The following PPARGC1B variants were observed in gnomAD, a reference collection of about 807,000 sequenced individuals.
PPARGC1B encodes the protein PPARG coactivator 1 beta.
PPARGC1B carries 34 observed loss-of-function variants against 101.6 expected under a neutral mutation model. The ratio of observed to expected loss-of-function variants is 0.33; its 90% confidence interval spans 0.25 to 0.45. PPARGC1B has a LOEUF of 0.45. Ranked by LOEUF, PPARGC1B falls within the 20% of genes least tolerant of loss-of-function variation. The pLI is 1.00. For synonymous variants in PPARGC1B, 548 were observed against 539.3 expected (o/e 1.02, Z -0.22); for missense variants, 1,234 against 1,317.6 (o/e 0.94, Z 0.98).
intron 10 of PPARGC1B, among the ~76,000 whole-genome samples, chr5:149,845,282 G>A (rs1193001180): frequency 6.6e-6 from 1 of 152,202 alleles, no homozygotes. Flanking sequence ...CTTTGAAGGA[G>A]GCAGAAAGTG....
At chr5:149,765,114 GA>G (rs1454975944) in intron 1 of PPARGC1B, among the ~76,000 whole-genome samples, 1 of 152,200 alleles carries the variant, frequency 6.6e-6, no homozygotes, top group African/African-American at 2.4e-5. Context: ...TGCAGAGAAA[GA>G]GGGAGGGACC....
chr5:149,844,774 A>G (rs1220132067), intron 10 of PPARGC1B, among the ~76,000 whole-genome samples: 2 of 152,254 alleles, frequency 1.3e-5, no homozygotes, highest in Admixed American at 6.5e-5. Flanking sequence ...TAGTTGGTGA[A>G]TGCCACTTTG....
At chr5:149,748,136 G>C (rs1755154020) in intron 1 of PPARGC1B, among the ~76,000 whole-genome samples, 1 of 152,108 alleles carries the variant, frequency 6.6e-6, no homozygotes, top group Admixed American at 6.5e-5. Flanking sequence ...CACAGCCCAG[G>C]GTCTGAGGGC....
intron 1 of PPARGC1B, among the ~76,000 whole-genome samples, chr5:149,799,690 GTTGTTT>G (rs1457556988): frequency 3.1e-5 from 2 of 65,052 alleles, no homozygotes; most frequent in African/African-American, 1.1e-4. Flanking sequence ...TTTGCTTGTT[GTTGTTT>G]TTTTTTTTTT....
rs1326406013 is a variant in PPARGC1B at position 149,730,704 on chromosome 5, A to G, written c.78+284A>G. ...CACCCCGCGGGCAAAACTGGGGGGT[A>G]CCGCGCTTCCTTTGGGAGGTGGAGG... On this transcript the variant is annotated intron_variant, in intron 1 of 11. Coordinates refer to ENST00000309241, the MANE Select transcript of PPARGC1B (RefSeq NM_133263.4). This position sits in a 1 kb window ranked among gnomAD's most constrained non-coding sequence, Gnocchi z 4.0. Among the ~76,000 whole-genome samples the G allele has an allele frequency of 6.6e-6, 1 of 152,100 alleles. No homozygotes were observed. Among genetic ancestry groups the G allele is most frequent in the Admixed American group, 6.5e-5 (1 of 15,290 alleles).
intron 1 of PPARGC1B, among the ~76,000 whole-genome samples, chr5:149,807,293 C>T (rs1458532715): frequency 1.3e-5 from 2 of 152,096 alleles, no homozygotes. Context: ...ACTTTGTCAT[C>T]CTCCTGACAC....
In PPARGC1B at chr5:149,848,624, T is replaced by C. The variant is rs1237264695; in HGVS notation, c.*1066T>C. 1 of 152,230 alleles carries C rather than the reference T, an allele frequency of 6.6e-6. No individual in the cohort carries two copies. The highest frequency in any genetic ancestry group is 1.5e-5 in the Non-Finnish European group (1 of 68,052). The allele number at this position is 152,230 out of a possible 1,614,324, so 9.4% of individuals were successfully genotyped here. On this transcript the variant is annotated 3_prime_UTR_variant, in exon 12 of 12. Transcript: ENST00000309241. ...CATCAGGTGAATTCAAGCCCTGGCA[T>C]GTGTCTTGGATGCACCATCAGCTTT...
Position 149,852,981 on chromosome 5 carries a change from T to C in PPARGC1B, c.*5423T>C, listed in dbSNP as rs1483682360. The C allele has an allele frequency of 1.3e-5, 2 of 151,910 alleles. No individual in the cohort carries two copies. Among genetic ancestry groups the C allele is most frequent in the Non-Finnish European group, 2.9e-5 (2 of 67,986 alleles). The allele number at this position is 151,910 out of a possible 1,614,324, so 9.4% of individuals were successfully genotyped here. A position where few individuals can be genotyped will look rare whatever the true frequency, so the allele number is the denominator to read the frequency against. On this transcript the variant is annotated 3_prime_UTR_variant, in exon 12 of 12. Transcript: ENST00000309241. Reference sequence around the variant, plus strand: ...CTGCCCAAATTTGGGGCTTGGAAAATAGGTTTTATAGGTGGTCGGTCCCTG... The same window carrying C: ...CTGCCCAAATTTGGGGCTTGGAAAACAGGTTTTATAGGTGGTCGGTCCCTG...
At chr5:149,839,876 G>A (rs528446596) in intron 8 of PPARGC1B, among the ~76,000 whole-genome samples, 165 bp from the exon 9 acceptor site, 3 of 152,308 alleles carry the variant, frequency 2.0e-5, no homozygotes, top group East Asian at 1.9e-4. Context: ...GCCCTGGGCC[G>A]TCGTTGCAGA....
At position 149,792,727 on chromosome 5, in the gene PPARGC1B, T is replaced by C. The variant is rs146560378; in HGVS notation, c.79-27706T>C. 1.4e-4 allele frequency among the ~76,000 whole-genome samples: 21 copies of C among 152,212 alleles called. 1 individual carries two copies. In the East Asian group the frequency reaches 4.1e-3, roughly 29 times the overall value. The stretch of plus-strand genomic sequence containing the variant: ...AGAGCCTGAATAGGATGCAGCCTTG[T>C]TCCGTAGTTGTATTCATTCATTCAT... On this transcript the variant is annotated intron_variant, in intron 1 of 11. Coordinates refer to ENST00000309241, the MANE Select transcript of PPARGC1B (RefSeq NM_133263.4).
At chr5:149,834,190 A>G (rs1222586036) in intron 5 of PPARGC1B, among the ~76,000 whole-genome samples, 1 of 152,254 alleles carries the variant, frequency 6.6e-6, no homozygotes, top group Admixed American at 6.5e-5. Flanking sequence ...AGTAATGATA[A>G]CAACAGTTAG....
intron 1 of PPARGC1B, among the ~76,000 whole-genome samples, chr5:149,804,444 T>G (rs1171967524): frequency 6.6e-6 from 1 of 151,968 alleles, no homozygotes; most frequent in East Asian, 1.9e-4. Flanking sequence ...GAGGCTGAGG[T>G]GGGTAGATCA....
intron 1 of PPARGC1B, among the ~76,000 whole-genome samples, chr5:149,810,614 G>C (rs1272006900): frequency 6.6e-6 from 1 of 152,232 alleles, no homozygotes; most frequent in East Asian, 1.9e-4. Context: ...CTACCCAGGA[G>C]ACTGCCTGTT....
At chr5:149,766,931 G>T (rs1755931640) in intron 1 of PPARGC1B, among the ~76,000 whole-genome samples, 2 of 152,184 alleles carry the variant, frequency 1.3e-5, no homozygotes, top group South Asian at 4.1e-4. Flanking sequence ...AGGGGTGGTA[G>T]CAGGGCTATG....
intron 7 of PPARGC1B, among the ~76,000 whole-genome samples, chr5:149,835,958 CTTTT>C (rs1202446844): frequency 7.8e-6 from 1 of 128,056 alleles, no homozygotes; most frequent in Non-Finnish European, 1.7e-5. Context: ...TTTTTTTTTT[CTTTT>C]TTTTTTTTTT....
intron 1 of PPARGC1B, among the ~76,000 whole-genome samples, chr5:149,794,139 T>G (rs1202559988): frequency 6.6e-6 from 1 of 152,164 alleles, no homozygotes; most frequent in African/African-American, 2.4e-5. Context: ...CAACTCCCAA[T>G]GATTTGAGCT....
At chr5:149,830,948 GT>G in intron 4 of PPARGC1B, 65 bp downstream of exon 4, 1 of 1,116,422 alleles carries the variant, frequency 9.0e-7, no homozygotes, top group South Asian at 1.3e-5. Context: ...TTCAGCTCTG[GT>G]GGAGGATAGC....
Position 149,853,298 on chromosome 5 carries a change from A to C in PPARGC1B, c.*5740A>C, listed in dbSNP as rs780691983. Reference sequence around the variant, plus strand: ...GTCCATCGTGAACTTTGGGAATGAAATATAATGGCCTGAACGAACTGCCTT... The same window carrying C: ...GTCCATCGTGAACTTTGGGAATGAACTATAATGGCCTGAACGAACTGCCTT... On this transcript the variant is annotated 3_prime_UTR_variant, in exon 12 of 12. Transcript: ENST00000309241. The surrounding 1 kb of genome is among the most constrained non-coding windows in gnomAD (Gnocchi z 4.2). 1 of 152,254 alleles carries C rather than the reference A, an allele frequency of 6.6e-6. No individual in the cohort carries two copies. The highest frequency in any genetic ancestry group is 1.5e-5 in the Non-Finnish European group (1 of 68,070). 9.4% of individuals were successfully genotyped at this position (152,254 alleles called of 1,614,324 possible). A position where few individuals can be genotyped will look rare whatever the true frequency, so the allele number is the denominator to read the frequency against.
intron 1 of PPARGC1B, chr5:149,771,965 ACT>A (rs1240825064): frequency 7.4e-7 from 1 of 1,353,910 alleles, no homozygotes; most frequent in Non-Finnish European, 9.8e-7. Flanking sequence ...TCCTCAAGCA[ACT>A]CTGAATTAGT....
Sources: gnomAD v4.1 joint callset for allele counts (sites outside exome capture counted in the v4.1 genomes callset) on GRCh38, gnomAD v4.1.1 for gene constraint, Gnocchi (gnomAD v3.1) non-coding constraint, MANE v1.5 for transcripts, NCBI Gene and HGNC (gene_info 2026-07-23, HGNC 2026-07-21) for gene names.